The following GALNTL6 variants were observed in gnomAD, a reference collection of about 807,000 sequenced individuals.
GALNTL6 encodes polypeptide N-acetylgalactosaminyltransferase like 6, also known as polypeptide N-acetylgalactosaminyltransferase-like 6.
A neutral mutation model predicts 73.7 loss-of-function variants in GALNTL6; 46 were observed. The ratio of observed to expected loss-of-function variants is 0.62; its 90% CI spans 0.49 to 0.80. GALNTL6 has a LOEUF of 0.80. Ranked by LOEUF, GALNTL6 falls within the 30% of genes least tolerant of loss-of-function variation. The pLI is 0.00. For synonymous variants in GALNTL6, 259 were observed against 263.7 expected, an observed-to-expected ratio of 0.98 and a Z score of 0.17; for missense variants, 604 against 755.0, an observed-to-expected ratio of 0.80 and a Z score of 2.34.
At chr4:172,121,220 G>A (rs530689184) in intron 2 of GALNTL6, among the ~76,000 whole-genome samples, 20 of 151,406 alleles carry the variant, frequency 1.3e-4, no homozygotes, top group African/African-American at 4.8e-4. Context: ...GTCCAAGTTT[G>A]GACAGGCAGT....
intron 2 of GALNTL6, among the ~76,000 whole-genome samples, chr4:171,882,766 T>G (rs940685112): frequency 6.6e-6 from 1 of 152,176 alleles, no homozygotes; most frequent in Non-Finnish European, 1.5e-5. Flanking sequence ...TACATCTTCT[T>G]TGGCAACACC....
chr4:172,576,232 T>C (rs1456491004), intron 5 of GALNTL6, among the ~76,000 whole-genome samples: 1 of 152,202 alleles, frequency 6.6e-6, no homozygotes, highest in Non-Finnish European at 1.5e-5. Flanking sequence ...TGAAGTGCTC[T>C]GAGCAAGATG....
intron 2 of GALNTL6, among the ~76,000 whole-genome samples, chr4:172,079,687 T>C (rs966548550): frequency 3.3e-5 from 5 of 152,144 alleles, no homozygotes; most frequent in Non-Finnish European, 5.9e-5. Flanking sequence ...ATTTGAATAA[T>C]GGCTTTTCTA....
intron 2 of GALNTL6, among the ~76,000 whole-genome samples, chr4:171,986,522 G>A (rs981278450): frequency 1.3e-5 from 2 of 152,110 alleles, no homozygotes; most frequent in African/African-American, 4.8e-5. Flanking sequence ...AAAGTGTTGG[G>A]ATGGTGAAAA....
intron 2 of GALNTL6, among the ~76,000 whole-genome samples, chr4:172,100,300 T>C (rs1732475039): frequency 6.6e-6 from 1 of 152,118 alleles, no homozygotes; most frequent in African/African-American, 2.4e-5. Flanking sequence ...GATAATAATA[T>C]TATTATGAAT....
chr4:172,546,289 T>C (rs763945962), intron 5 of GALNTL6, among the ~76,000 whole-genome samples: 37 of 152,150 alleles, frequency 2.4e-4, no homozygotes, highest in Non-Finnish European at 4.1e-4. Context: ...ACAACTTTTA[T>C]TGAGGTCCTA....
chr4:171,967,453 T>TTTTTTTTGTTTG (rs1553976674), intron 2 of GALNTL6, among the ~76,000 whole-genome samples: 1 of 141,334 alleles, frequency 7.1e-6, no homozygotes, highest in African/African-American at 2.9e-5. Flanking sequence ...ATGGGTTTTT[T>TTTTTTTTGTTTG]TTTTTTTTTT....
chr4:172,316,577 G>A (rs1280436316), intron 4 of GALNTL6, among the ~76,000 whole-genome samples: 1 of 152,156 alleles, frequency 6.6e-6, no homozygotes, highest in African/African-American at 2.4e-5. Context: ...AACTATTTCT[G>A]TCTAAGAGAA....
chr4:171,868,654 C>T (rs957404493), intron 2 of GALNTL6, among the ~76,000 whole-genome samples: 2 of 152,106 alleles, frequency 1.3e-5, no homozygotes, highest in African/African-American at 2.4e-5. Flanking sequence ...ATTCTTGAAT[C>T]GAGCCTTCTC....
intron 5 of GALNTL6, among the ~76,000 whole-genome samples, chr4:172,412,259 C>T (rs1383425605): frequency 6.6e-6 from 1 of 152,086 alleles, no homozygotes; most frequent in Non-Finnish European, 1.5e-5. Flanking sequence ...CCAGGCTGAT[C>T]TAGAACTTCT....
At chr4:171,958,782 G>A (rs1439916789) in intron 2 of GALNTL6, among the ~76,000 whole-genome samples, 1 of 151,994 alleles carries the variant, frequency 6.6e-6, no homozygotes, top group African/African-American at 2.4e-5. Context: ...GTTTTCTACA[G>A]TCATTACATA....
intron 3 of GALNTL6, among the ~76,000 whole-genome samples, chr4:172,306,997 C>T (rs1297373535): frequency 6.6e-6 from 1 of 152,142 alleles, no homozygotes; most frequent in East Asian, 1.9e-4. Flanking sequence ...GCTTGTGAAT[C>T]AAATGGTAGT....
chr4:172,384,353 T>G (rs974082283), intron 5 of GALNTL6, among the ~76,000 whole-genome samples: 1 of 152,078 alleles, frequency 6.6e-6, no homozygotes, highest in Non-Finnish European at 1.5e-5. Context: ...TATCTAAAAA[T>G]TTGTCCTTTT....
At chr4:172,807,095 G>A (rs1021258814) in intron 5 of GALNTL6, among the ~76,000 whole-genome samples, 23 of 152,140 alleles carry the variant, frequency 1.5e-4, no homozygotes, top group African/African-American at 4.1e-4. Flanking sequence ...AGAGAGTAAA[G>A]CTACAGTCTT....
In GALNTL6 at chr4:172,541,031, A is replaced by G. The variant is rs570252502; in HGVS notation, c.553+192342A>G. Among the ~76,000 whole-genome samples, 6 of 152,356 alleles carry G rather than the reference A, an allele frequency of 3.9e-5. No individual in the cohort carries two copies. In the South Asian group the frequency reaches 1.2e-3, roughly 32 times the overall value. Reference sequence around the variant, plus strand: ...TTTCCCTCACAAAAGACAGCTTTGCAGGGTCATTTCAAAATCTGTCAAAGA... The same window carrying G: ...TTTCCCTCACAAAAGACAGCTTTGCGGGGTCATTTCAAAATCTGTCAAAGA... On this transcript the variant is annotated intron_variant, in intron 5 of 12. Coordinates refer to ENST00000506823, the MANE Select transcript of GALNTL6 (RefSeq NM_001034845.3).
intron 2 of GALNTL6, among the ~76,000 whole-genome samples, chr4:172,008,298 CTGTA>C (rs1323278927): frequency 3.3e-5 from 5 of 152,066 alleles, no homozygotes; most frequent in Non-Finnish European, 7.4e-5. Context: ...TTTAAAGTCT[CTGTA>C]TGTTTTTGCA....
intron 2 of GALNTL6, among the ~76,000 whole-genome samples, chr4:172,052,903 A>G (rs1730917018): frequency 6.6e-6 from 1 of 152,188 alleles, no homozygotes; most frequent in Non-Finnish European, 1.5e-5. Flanking sequence ...CAAAAAACAA[A>G]AAAACTAAGT....
intron 5 of GALNTL6, among the ~76,000 whole-genome samples, chr4:172,428,502 G>A (rs1731309535): frequency 6.6e-6 from 1 of 152,118 alleles, no homozygotes; most frequent in South Asian, 2.1e-4. Context: ...ACAGATGCTT[G>A]CATTACCATC....
At chr4:171,845,552 T>C (rs993757855) in intron 2 of GALNTL6, among the ~76,000 whole-genome samples, 9 of 152,192 alleles carry the variant, frequency 5.9e-5, no homozygotes, top group Admixed American at 1.3e-4. Context: ...TTCTTACTAA[T>C]GGAACGTGAG....
Sources: allele counts gnomAD v4.1 joint callset (sites outside exome capture counted in the v4.1 genomes callset), GRCh38; gene constraint gnomAD v4.1.1; transcripts MANE v1.5; gene names NCBI Gene and HGNC (gene_info 2026-07-23, HGNC 2026-07-21).